Variants in SUFU observed in about 807,000 individuals in gnomAD.
SUFU encodes SUFU negative regulator of hedgehog signaling, also known as suppressor of fused homolog.
A neutral mutation model predicts 58.9 loss-of-function variants in SUFU; 7 were observed. The observed-to-expected ratio is 0.12, with a 90% CI of 0.07 to 0.22. The LOEUF is 0.22. Ranked by LOEUF, SUFU falls within the 10% of genes least tolerant of loss-of-function variation. The pLI is 1.00. For missense variants in SUFU, 451 were observed against 641.3 expected, an observed-to-expected ratio of 0.70 and a Z score of 3.20; for synonymous variants, 232 against 254.8, an observed-to-expected ratio of 0.91 and a Z score of 0.85.
intron 6 of SUFU, among the ~76,000 whole-genome samples, chr10:102,596,736 C>T (rs1056125871): frequency 2.0e-5 from 3 of 152,124 alleles, no homozygotes; most frequent in Non-Finnish European, 4.4e-5. Flanking sequence ...GCCTGAAGAT[C>T]GGGAGGAGAG....
rs2135619936 is a variant in SUFU at position 102,509,175 on chromosome 10, T to C, written c.189T>C (p.Gly63=). 1 of 1,614,104 alleles carries C rather than the reference T, an allele frequency of 6.2e-7. No individual in the cohort carries two copies. The highest frequency in any genetic ancestry group is 8.5e-7 in the Non-Finnish European group (1 of 1,180,036). The change falls in exon 2 of 12, where the codon GGT becomes GGC. Residue 63 remains glycine, a synonymous_variant. Coordinates refer to ENST00000369902, the MANE Select transcript of SUFU (RefSeq NM_016169.4). ...QVTAIVKYWL[G]GPDPLDYVSM... The stretch of plus-strand genomic sequence containing the variant: ...TGTGTTTTGTTTTTTGCAGGTTGGG[T>C]GGCCCAGACCCCTTGGACTATGTTA...
chr10:102,594,525 C>T (rs1348602142), intron 6 of SUFU, among the ~76,000 whole-genome samples: 1 of 152,106 alleles, frequency 6.6e-6, no homozygotes, highest in African/African-American at 2.4e-5. Flanking sequence ...GTCCTATCCC[C>T]ATTTTCGCCA....
intron 3 of SUFU, among the ~76,000 whole-genome samples, chr10:102,550,750 T>TTG (rs967740280): frequency 6.6e-6 from 1 of 151,410 alleles, no homozygotes; most frequent in Non-Finnish European, 1.5e-5. Flanking sequence ...GACTTTTTTT[T>TTG]TTTTTTTTGA....
At chr10:102,574,518 C>A (rs1195923694) in intron 3 of SUFU, among the ~76,000 whole-genome samples, 1 of 152,108 alleles carries the variant, frequency 6.6e-6, no homozygotes. Context: ...GAGGCTAAGA[C>A]GAGAGGATTG....
At chr10:102,519,560 A>G (rs1258897403) in intron 2 of SUFU, among the ~76,000 whole-genome samples, 1 of 148,926 alleles carries the variant, frequency 6.7e-6, no homozygotes, top group African/African-American at 2.5e-5. Context: ...CTGCAACCTT[A>G]TCGTAGTCAT....
intron 2 of SUFU, among the ~76,000 whole-genome samples, chr10:102,536,516 A>G (rs920396166): frequency 6.0e-5 from 9 of 150,894 alleles, no homozygotes; most frequent in Non-Finnish European, 8.8e-5. Flanking sequence ...GGCGCCTGCC[A>G]CTACACCTGG....
chr10:102,551,572 A>C (rs1055608249), intron 3 of SUFU, among the ~76,000 whole-genome samples: 2 of 151,482 alleles, frequency 1.3e-5, no homozygotes, highest in Non-Finnish European at 2.9e-5. Context: ...CGGGAGGCAG[A>C]TGTTACTGTG....
intron 10 of SUFU, among the ~76,000 whole-genome samples, chr10:102,622,228 G>T (rs2063745517): frequency 6.6e-6 from 1 of 152,196 alleles, no homozygotes; most frequent in South Asian, 2.1e-4. Flanking sequence ...TGTTGGTTAA[G>T]CCTGTGCCCA....
chr10:102,623,605 A>G (rs575619150), intron 10 of SUFU, among the ~76,000 whole-genome samples: 1 of 152,370 alleles, frequency 6.6e-6, no homozygotes, highest in African/African-American at 2.4e-5. Context: ...GGAAAAGAGC[A>G]TCCTCTATCA....
Position 102,524,630 on chromosome 10 carries a change from T to C in SUFU, c.317+15327T>C, listed in dbSNP as rs180753756. ...GCCACCGTGCCCAGCCTATTTCTTC[T>C]TTAAAACACTTATCACTTCTGCGAT... On this transcript the variant is annotated intron_variant, in intron 2 of 11. Transcript: ENST00000369902. Among the ~76,000 whole-genome samples the C allele has an allele frequency of 3.0e-3, 455 of 152,306 alleles. 11 individuals are homozygous for C. Among genetic ancestry groups the C allele is most frequent in the Admixed American group, 1.5e-3 (23 of 15,292 alleles).
intron 2 of SUFU, among the ~76,000 whole-genome samples, chr10:102,521,700 A>T (rs567903875): frequency 6.6e-6 from 1 of 152,206 alleles, no homozygotes; most frequent in African/African-American, 2.4e-5. Flanking sequence ...TGCATATACC[A>T]TGCTCCTTTG....
chr10:102,504,453 G>A (rs2062296741), intron 1 of SUFU, 119 bp downstream of exon 1: 7 of 1,520,990 alleles, frequency 4.6e-6, no homozygotes, highest in African/African-American at 2.8e-5. Context: ...GCACTCAGAA[G>A]GAGGGCTTCT....
At chr10:102,580,964 T>G (rs562725693) in intron 3 of SUFU, among the ~76,000 whole-genome samples, 1 of 151,914 alleles carries the variant, frequency 6.6e-6, no homozygotes, top group Non-Finnish European at 1.5e-5. Flanking sequence ...GGTGGATCAC[T>G]TGAGGTCAGG....
chr10:102,543,767 G>A (rs1469175495), intron 2 of SUFU, among the ~76,000 whole-genome samples: 1 of 152,110 alleles, frequency 6.6e-6, no homozygotes, highest in Non-Finnish European at 1.5e-5. Flanking sequence ...TTCACTTAAT[G>A]TAAGTGATAT....
chr10:102,572,448 G>A (rs2063172107), intron 3 of SUFU, among the ~76,000 whole-genome samples: 5 of 140,796 alleles, frequency 3.6e-5, no homozygotes, highest in Admixed American at 1.5e-4. Flanking sequence ...GGAGTGTAGT[G>A]GCGCGATCTT....
chr10:102,585,797 T>A (rs2063330214), intron 3 of SUFU, among the ~76,000 whole-genome samples: 1 of 151,902 alleles, frequency 6.6e-6, no homozygotes, highest in South Asian at 2.1e-4. Context: ...GGGAGGCCAC[T>A]GCACTGGCCT....
Position 102,541,697 on chromosome 10 carries a change from CTTTTTTTTTTTT to C in SUFU, c.318-8260_318-8249del, listed in dbSNP as rs869264798. Among the ~76,000 whole-genome samples, 39 of 56,096 alleles carry C rather than the reference CTTTTTTTTTTTT, an allele frequency of 7.0e-4. 2 individuals carry two copies. The Admixed American group carries it at 8.0e-3, about 11-fold the overall frequency. 36.8% of individuals were successfully genotyped at this position (56,096 alleles called of 152,430 possible). The stretch of plus-strand genomic sequence containing the variant: ...TGCAGGCGTGAGCCACCGCGCCCGG[CTTTTTTTTTTTT>C]TTTTTTTTTTTTCCTTTTGAGACAG... On this transcript the variant is annotated intron_variant, in intron 2 of 11. Transcript: ENST00000369902.
In SUFU at chr10:102,619,446, G is replaced by T; in HGVS notation, c.1296+2018G>T. ...CTCGGCATGTTTCAATAAAGTTGCTGTGCTGGGAGCTACTCAATCAAAGGC... is the reference window on the plus strand; with the variant it reads ...CTCGGCATGTTTCAATAAAGTTGCTTTGCTGGGAGCTACTCAATCAAAGGC... On this transcript the variant is annotated intron_variant, in intron 10 of 11. Coordinates refer to ENST00000369902, the MANE Select transcript of SUFU (RefSeq NM_016169.4). The surrounding 1 kb of genome is among the most constrained non-coding windows in gnomAD (Gnocchi z 4.2). 1 of 1,303,580 alleles carries T rather than the reference G, an allele frequency of 7.7e-7. No homozygotes were observed. 80.8% of individuals were successfully genotyped at this position (1,303,580 alleles called of 1,614,324 possible).
At position 102,619,790 on chromosome 10, in the gene SUFU, C is replaced by A. The variant is rs1257049363; in HGVS notation, c.1296+2362C>A. Among the ~76,000 whole-genome samples the A allele has an allele frequency of 6.6e-6, 1 of 152,178 alleles. No homozygotes were observed. The highest frequency in any genetic ancestry group is 2.4e-5 in the African/African-American group (1 of 41,440). On this transcript the variant is annotated intron_variant, in intron 10 of 11. Transcript: ENST00000369902. The surrounding 1 kb of genome is among the most constrained non-coding windows in gnomAD (Gnocchi z 4.2). ...GCTCCCTTGCTTGTGGGAACCTGGG[C>A]TTGTAATTACTTGTGGGCCTCTAGA...
Sources: gnomAD v4.1 joint callset for allele counts (sites outside exome capture counted in the v4.1 genomes callset) on GRCh38, gnomAD v4.1.1 for gene constraint, Gnocchi (gnomAD v3.1) non-coding constraint, MANE v1.5 for transcripts, NCBI Gene and HGNC (gene_info 2026-07-23, HGNC 2026-07-21) for gene names.